PPL: variants seen among roughly 807,000 people sequenced by gnomAD.
PPL encodes periplakin.
Under a neutral mutation model 194.4 loss-of-function variants are expected in PPL, and 198 were observed. The ratio of observed to expected loss-of-function variants is 1.02; its 90% CI spans 0.91 to 1.15. The LOEUF (loss-of-function observed/expected upper bound fraction) is 1.15. Among genes scored for constraint, PPL ranks in the 50% most tolerant of loss-of-function variants. PPL has a pLI of 0.00. For synonymous variants in PPL, 1,220 were observed against 972.4 expected, an observed-to-expected ratio of 1.25 and a Z score of -4.74; for missense variants, 2,885 against 2,294.8, an observed-to-expected ratio of 1.26 and a Z score of -5.25.
chr16:4,892,237 T>A, intron 14 of PPL, 24 bp from the exon 15 acceptor site: 1 of 1,599,002 alleles, frequency 6.3e-7, no homozygotes, highest in South Asian at 1.1e-5. Flanking sequence ...GGCCCCTCAG[T>A]TTTGGACACA....
rs1486214179 is a variant in PPL at position 4,899,393 on chromosome 16, G to A, written c.607-9C>T. 6.3e-7 allele frequency: 1 copy of A among 1,598,618 alleles called. No homozygotes were observed. The highest frequency in any genetic ancestry group is 1.3e-5 in the African/African-American group (1 of 74,710). On this transcript the variant is annotated splice_polypyrimidine_tract_variant and intron_variant, in intron 6 of 21. Transcript: ENST00000345988. ...CGGGCCTGTGATGCTGCCTGAAGGG[G>A]CCGGGGCAAGGAAAGGGCTGCGTCC...
rs1284220613 is a variant in PPL at position 4,892,180 on chromosome 16, C to T, written c.1684G>A (p.Glu562Lys). Residue 562 changes from glutamate to lysine, a missense_variant, in exon 15 of 22, where the codon GAG becomes AAG. Coordinates refer to ENST00000345988, the MANE Select transcript of PPL (RefSeq NM_002705.5). The stretch of plus-strand genomic sequence containing the variant: ...CCCTCAGCCGTGCTCCGCGTCTTCT[C>T]AGGTTCAATCCGCAGTAGCTCGTTG... Reference protein sequence around the residue: ...ITNELLRIEPEKTRSTAEGEA... With the variant: ...ITNELLRIEPKKTRSTAEGEA... The T allele has an allele frequency of 1.2e-6, 2 of 1,613,638 alleles. No homozygotes were observed. Among genetic ancestry groups the T allele is most frequent in the Admixed American group, 3.3e-5 (2 of 60,022 alleles).
chr16:4,926,164 T>C (rs1371443510), intron 1 of PPL, among the ~76,000 whole-genome samples: 9 of 152,184 alleles, frequency 5.9e-5, no homozygotes, highest in African/African-American at 2.2e-4. Context: ...GTACGTGCTA[T>C]CATAGCTCCA....
chr16:4,898,543 A>G lies in PPL; in HGVS notation c.876+470T>C, dbSNP rs117130306. ...AGGATACAGAGAGACATGGGGAGAG[A>G]AGGCCATGTGAAGACGGAGGAAGGG... On this transcript the variant is annotated intron_variant, in intron 8 of 21. Transcript: ENST00000345988. Among the ~76,000 whole-genome samples the G allele has an allele frequency of 3.2e-4, 49 of 152,242 alleles. No individual in the cohort carries two copies. In the East Asian group the frequency reaches 9.3e-3, roughly 29 times the overall value.
At chr16:4,894,228 G>C (rs1001334170) in intron 12 of PPL, among the ~76,000 whole-genome samples, 5 of 152,172 alleles carry the variant, frequency 3.3e-5, no homozygotes, top group African/African-American at 1.2e-4. Flanking sequence ...CTTAGAAACT[G>C]CTTAGAAACT....
At chr16:4,886,374 T>C (rs1241005530) in intron 21 of PPL, among the ~76,000 whole-genome samples, 6 of 152,254 alleles carry the variant, frequency 3.9e-5, no homozygotes, top group Non-Finnish European at 1.5e-5. Flanking sequence ...CTGTAGTATG[T>C]ACCATGTGTT....
At chr16:4,925,996 T>C (rs2089148368) in intron 1 of PPL, among the ~76,000 whole-genome samples, 1 of 152,192 alleles carries the variant, frequency 6.6e-6, no homozygotes, top group Admixed American at 6.5e-5. Flanking sequence ...GACTGAGTCA[T>C]TCTCCTAAGT....
intron 6 of PPL, among the ~76,000 whole-genome samples, chr16:4,900,392 C>G (rs568778529): frequency 1.3e-5 from 2 of 150,632 alleles, no homozygotes; most frequent in African/African-American, 4.9e-5. Context: ...CACCTCTCTT[C>G]CCGCCTCAAC....
intron 19 of PPL, among the ~76,000 whole-genome samples, 155 bp from the exon 20 acceptor site, chr16:4,888,373 G>T (rs923731706): frequency 2.6e-5 from 4 of 152,220 alleles, no homozygotes; most frequent in Admixed American, 1.3e-4. Flanking sequence ...ACCCTGCAGT[G>T]ATTTCCAGGA....
intron 21 of PPL, 133 bp downstream of exon 21, chr16:4,887,002 T>G: frequency 1.3e-6 from 1 of 744,426 alleles, no homozygotes; most frequent in South Asian, 1.6e-5. Context: ...GGCCAGTCTT[T>G]GCATTGGCCC....
In PPL at chr16:4,885,989, A is replaced by T; in HGVS notation, c.2666T>A (p.Val889Glu). The T allele has an allele frequency of 6.2e-7, 1 of 1,613,396 alleles. No homozygotes were observed. The highest frequency in any genetic ancestry group is 1.1e-5 in the South Asian group (1 of 91,050). The change falls in exon 22 of 22, where the codon GTG (valine) becomes GAG (glutamate). Residue 889 changes from valine to glutamate, a missense_variant. Physicochemically the swap from Val to Glu is moderately radical, Grantham distance 121 (BLOSUM62 -2). Coordinates refer to ENST00000345988, the MANE Select transcript of PPL (RefSeq NM_002705.5). The surrounding 1 kb of genome is among the most constrained non-coding windows in gnomAD (Gnocchi z 6.3). ...CTTCCTGATCTTCCACGCCTCCTCC[A>T]CTCCAGAGTCCGGCCTATTCCTTTG... ...TLQRNRPDSGVEEAWKIRKEL... is the reference protein window; with the variant it reads ...TLQRNRPDSGEEEAWKIRKEL...
At chr16:4,936,034 C>G (rs376906667) in intron 1 of PPL, among the ~76,000 whole-genome samples, 3 of 152,324 alleles carry the variant, frequency 2.0e-5, no homozygotes, top group African/African-American at 7.2e-5. Flanking sequence ...GATTCCCACC[C>G]CCTCCGTCAA....
At chr16:4,901,215 C>T in intron 4 of PPL, 126 bp from the exon 5 acceptor site, 1 of 1,042,350 alleles carries the variant, frequency 9.6e-7, no homozygotes, top group Non-Finnish European at 1.4e-6. Flanking sequence ...TGCAGAGCCA[C>T]AAGGAGATGC....
chr16:4,913,460 G>T (rs1189210226), intron 1 of PPL, among the ~76,000 whole-genome samples: 1 of 152,190 alleles, frequency 6.6e-6, no homozygotes, highest in Non-Finnish European at 1.5e-5. Context: ...AAAGGACTGT[G>T]CATAGAGCCG....
chr16:4,916,865 C>A (rs2088927081), intron 1 of PPL, among the ~76,000 whole-genome samples: 1 of 152,068 alleles, frequency 6.6e-6, no homozygotes, highest in Non-Finnish European at 1.5e-5. Flanking sequence ...TGCGGTGACT[C>A]ACGCCTGCAA....
intron 1 of PPL, among the ~76,000 whole-genome samples, chr16:4,933,392 C>G (rs2089250636): frequency 1.3e-5 from 2 of 152,122 alleles, no homozygotes. Context: ...CAAGATTAAT[C>G]CCATTCAACA....
At position 4,902,831 on chromosome 16, in the gene PPL, A is replaced by G. The variant is rs1052144432; in HGVS notation, c.318-305T>C. 6.6e-6 allele frequency among the ~76,000 whole-genome samples: 1 copy of G among 152,132 alleles called. No individual in the cohort carries two copies. Among genetic ancestry groups the G allele is most frequent in the African/African-American group, 2.4e-5 (1 of 41,434 alleles). On this transcript the variant is annotated intron_variant, in intron 3 of 21. Transcript: ENST00000345988. The surrounding 1 kb of genome is among the most constrained non-coding windows in gnomAD (Gnocchi z 4.0). ...CAACCTCCCGAGTAGCTGGGATTACAGGCATGTGCCACCTCGCCTGGGTAA... is the reference window on the plus strand; with the variant it reads ...CAACCTCCCGAGTAGCTGGGATTACGGGCATGTGCCACCTCGCCTGGGTAA...
chr16:4,918,341 T>A (rs1462453464), intron 1 of PPL, among the ~76,000 whole-genome samples: 1 of 151,834 alleles, frequency 6.6e-6, no homozygotes, highest in East Asian at 1.9e-4. Context: ...GGGGTTTGTT[T>A]CTTCTCTCCT....
chr16:4,919,509 C>T (rs1237558863), intron 1 of PPL, among the ~76,000 whole-genome samples: 1 of 152,154 alleles, frequency 6.6e-6, no homozygotes, highest in Admixed American at 6.5e-5. Context: ...AGTGATCCTC[C>T]CATCTCGGCC....
Sources: gnomAD v4.1 joint callset for allele counts (sites outside exome capture counted in the v4.1 genomes callset) on GRCh38, gnomAD v4.1.1 for gene constraint, Gnocchi (gnomAD v3.1) non-coding constraint, MANE v1.5 for transcripts, NCBI Gene and HGNC (gene_info 2026-07-23, HGNC 2026-07-21) for gene names.